SLC44A1: variants seen among roughly 807,000 people sequenced by gnomAD.
SLC44A1 encodes choline transporter-like protein 1.
In SLC44A1, 26 loss-of-function variants were observed where a neutral mutation model predicts 79.3. That is an observed-to-expected ratio of 0.33 (90% confidence interval 0.24 to 0.46). The LOEUF is 0.46. SLC44A1 is among the 20% of genes least tolerant of loss of function. The pLI is 1.00. For synonymous variants in SLC44A1, 263 were observed against 286.2 expected, an observed-to-expected ratio of 0.92 and a Z score of 0.82; for missense variants, 688 against 798.1, an observed-to-expected ratio of 0.86 and a Z score of 1.66.
chr9:105,316,343 A>G (rs768638777), intron 3 of SLC44A1, among the ~76,000 whole-genome samples: 8 of 152,164 alleles, frequency 5.3e-5, no homozygotes, highest in Non-Finnish European at 1.2e-4. Flanking sequence ...ATGCTGTAGA[A>G]GTATGTCCAT....
Position 105,395,203 on chromosome 9 carries a change from T to TG in SLC44A1, c.*6152dup. 1.0e-6 allele frequency: 1 copy of TG among 984,834 alleles called. No homozygotes were observed. The allele number at this position is 984,834 out of a possible 1,614,324, so 61.0% of individuals were successfully genotyped here. ...CCCACCCCACACTCCTAGAAAAGTT[T>TG]GGGGGTTTTTTTTGTTTGTTTTTGG... On this transcript the variant is annotated 3_prime_UTR_variant, in exon 16 of 16. Coordinates refer to ENST00000374720, the MANE Select transcript of SLC44A1 (RefSeq NM_080546.5).
chr9:105,394,051 T>G lies in SLC44A1; in HGVS notation c.*4995T>G. 1 of 985,308 alleles carries G rather than the reference T, an allele frequency of 1.0e-6. No individual in the cohort carries two copies. The highest frequency in any genetic ancestry group is 4.7e-5 in the South Asian group (1 of 21,290). The allele number at this position is 985,308 out of a possible 1,614,324, so 61.0% of individuals were successfully genotyped here. A position where few individuals can be genotyped will look rare whatever the true frequency, so the allele number is the denominator to read the frequency against. On this transcript the variant is annotated 3_prime_UTR_variant, in exon 16 of 16. Coordinates refer to ENST00000374720, the MANE Select transcript of SLC44A1 (RefSeq NM_080546.5). Reference sequence around the variant, plus strand: ...AGCTTAAGAAAGCTATGGACTATCTTTCCTTCAAATGCACATCACATGTCT... The same window carrying G: ...AGCTTAAGAAAGCTATGGACTATCTGTCCTTCAAATGCACATCACATGTCT...
intron 2 of SLC44A1, 79 bp from the exon 3 acceptor site, chr9:105,309,645 A>G: frequency 7.7e-7 from 1 of 1,300,754 alleles, no homozygotes. Flanking sequence ...AGACAAAAAG[A>G]AGCTCATTAT....
At chr9:105,342,625 G>A (rs116074980) in intron 4 of SLC44A1, among the ~76,000 whole-genome samples, 76 of 152,178 alleles carry the variant, frequency 5.0e-4, no homozygotes, top group African/African-American at 1.6e-3. Flanking sequence ...TAATTCTGAC[G>A]CAGCATCTCT....
intron 15 of SLC44A1, among the ~76,000 whole-genome samples, chr9:105,425,537 T>C (rs971769092): frequency 6.6e-6 from 1 of 151,950 alleles, no homozygotes; most frequent in African/African-American, 2.4e-5. Flanking sequence ...AACTGTATAT[T>C]TGGGGCCAGG....
In SLC44A1 at chr9:105,392,211, T is replaced by C; in HGVS notation, c.*3155T>C. 1.0e-6 allele frequency: 1 copy of C among 984,214 alleles called. No homozygotes were observed. The highest frequency in any genetic ancestry group is 1.2e-6 in the Non-Finnish European group (1 of 828,810). 61.0% of individuals were successfully genotyped at this position (984,214 alleles called of 1,614,324 possible). On this transcript the variant is annotated 3_prime_UTR_variant, in exon 16 of 16. Coordinates refer to ENST00000374720, the MANE Select transcript of SLC44A1 (RefSeq NM_080546.5). Reference sequence around the variant, plus strand: ...TTAAAGCATTTAATGCAATGGCTAATGTTTAGGATTAAAGTTTTTATTTTA... The same window carrying C: ...TTAAAGCATTTAATGCAATGGCTAACGTTTAGGATTAAAGTTTTTATTTTA...
At position 105,390,988 on chromosome 9, in the gene SLC44A1, A is replaced by C; in HGVS notation, c.*1932A>C. Reference sequence around the variant, plus strand: ...ATTGTCCAAATAGATGAGAGAGCAAATCATGTGAGAAAATTCAGAATACCA... The same window carrying C: ...ATTGTCCAAATAGATGAGAGAGCAACTCATGTGAGAAAATTCAGAATACCA... On this transcript the variant is annotated 3_prime_UTR_variant, in exon 16 of 16. Transcript: ENST00000374720. 2.0e-6 allele frequency: 2 copies of C among 984,790 alleles called. No individual in the cohort carries two copies. The highest frequency in any genetic ancestry group is 2.4e-6 in the Non-Finnish European group (2 of 828,968). The allele number at this position is 984,790 out of a possible 1,614,324, so 61.0% of individuals were successfully genotyped here. A position where few individuals can be genotyped will look rare whatever the true frequency, so the allele number is the denominator to read the frequency against.
intron 13 of SLC44A1, among the ~76,000 whole-genome samples, chr9:105,380,357 T>TC (rs895700527): frequency 1.2e-4 from 18 of 151,930 alleles, no homozygotes; most frequent in Non-Finnish European, 2.6e-4. Flanking sequence ...TATTTTTTTT[T>TC]CTTTTTTTTG....
chr9:105,328,115 G>T lies in SLC44A1; in HGVS notation c.270-7448G>T, dbSNP rs538219158. ...ATAATTACCATCTGTTTATTAATTT[G>T]GGAAATATGCAGCTTCTTCTTTATT... On this transcript the variant is annotated intron_variant, in intron 3 of 15. Coordinates refer to ENST00000374720, the MANE Select transcript of SLC44A1 (RefSeq NM_080546.5). 7.9e-5 allele frequency among the ~76,000 whole-genome samples: 12 copies of T among 152,218 alleles called. No homozygotes were observed. The East Asian group carries it at 1.5e-3, about 20-fold the overall frequency.
At chr9:105,310,714 TTTA>T (rs1326680497) in intron 3 of SLC44A1, among the ~76,000 whole-genome samples, 2 of 152,198 alleles carry the variant, frequency 1.3e-5, no homozygotes, top group Admixed American at 6.5e-5. Flanking sequence ...AATAACTGTA[TTTA>T]TTATTATATA....
At chr9:105,267,121 T>G (rs1209300355) in intron 1 of SLC44A1, among the ~76,000 whole-genome samples, 1 of 152,198 alleles carries the variant, frequency 6.6e-6, no homozygotes, top group Non-Finnish European at 1.5e-5. Context: ...GTTTTTATTT[T>G]TATGTCACAT....
intron 4 of SLC44A1, among the ~76,000 whole-genome samples, chr9:105,344,551 A>G (rs979980200): frequency 1.3e-5 from 2 of 152,204 alleles, no homozygotes; most frequent in African/African-American, 4.8e-5. Context: ...TGTTTTAGGT[A>G]GTATATTTGT....
chr9:105,415,020 A>G (rs190246116), intron 15 of SLC44A1, among the ~76,000 whole-genome samples: 1 of 152,232 alleles, frequency 6.6e-6, no homozygotes, highest in Non-Finnish European at 1.5e-5. Flanking sequence ...TAAGAAAGGA[A>G]AGGTCAAGAC....
intron 15 of SLC44A1, chr9:105,438,237 T>G (rs1365711789): frequency 4.6e-6 from 7 of 1,531,312 alleles, no homozygotes; most frequent in African/African-American, 1.4e-5. Flanking sequence ...TGTGTCATGT[T>G]CCCCTAGGAC....
chr9:105,253,050 T>G (rs1037182044), intron 1 of SLC44A1, among the ~76,000 whole-genome samples: 1 of 152,262 alleles, frequency 6.6e-6, no homozygotes, highest in African/African-American at 2.4e-5. Context: ...TTAACAAACA[T>G]TTGGTTGATA....
At chr9:105,316,207 T>C (rs751072129) in intron 3 of SLC44A1, among the ~76,000 whole-genome samples, 7 of 152,162 alleles carry the variant, frequency 4.6e-5, no homozygotes, top group Non-Finnish European at 8.8e-5. Flanking sequence ...CAAATTATTA[T>C]AGCTATAGGA....
chr9:105,248,905 A>G (rs962805538), intron 1 of SLC44A1, among the ~76,000 whole-genome samples: 1 of 152,250 alleles, frequency 6.6e-6, no homozygotes, highest in Non-Finnish European at 1.5e-5. Flanking sequence ...AATTGCCGTA[A>G]GTCTTTGTCC....
intron 7 of SLC44A1, among the ~76,000 whole-genome samples, chr9:105,359,382 A>C (rs1827715932): frequency 6.6e-6 from 1 of 152,200 alleles, no homozygotes; most frequent in Non-Finnish European, 1.5e-5. Flanking sequence ...CCAATGGAAC[A>C]GAAACAATAA....
chr9:105,260,138 C>CA (rs956579830), intron 1 of SLC44A1, among the ~76,000 whole-genome samples: 4 of 151,826 alleles, frequency 2.6e-5, no homozygotes, highest in Non-Finnish European at 5.9e-5. Context: ...GGTGTTCTGC[C>CA]AAAAAAAGGG....
Sources: allele counts gnomAD v4.1 joint callset (sites outside exome capture counted in the v4.1 genomes callset), GRCh38; gene constraint gnomAD v4.1.1; transcripts MANE v1.5; gene names NCBI Gene and HGNC (gene_info 2026-07-23, HGNC 2026-07-21).